SLC9A2: variants seen among roughly 807,000 people sequenced by gnomAD.
The protein encoded by SLC9A2 is solute carrier family 9 member A2.
In SLC9A2, 42 loss-of-function variants were observed where a neutral mutation model predicts 71.7. The ratio of observed to expected loss-of-function variants is 0.59; its 90% CI spans 0.46 to 0.76. The LOEUF is 0.76. Ranked by LOEUF, SLC9A2 falls within the 30% of genes least tolerant of loss-of-function variation. SLC9A2 has a pLI of 0.00. For missense variants in SLC9A2, 829 were observed against 1,017.4 expected, an observed-to-expected ratio of 0.81 and a Z score of 2.52; for synonymous variants, 396 against 392.5, an observed-to-expected ratio of 1.01 and a Z score of -0.10.
chr2:102,686,304 C>CA (rs1291265698), intron 5 of SLC9A2: 1 of 152,152 alleles, frequency 6.6e-6, no homozygotes, highest in Non-Finnish European at 1.5e-5. Flanking sequence ...AAAGCAGAGT[C>CA]AAAATCTATT....
rs1458569771 is a variant in SLC9A2, at chr2:102,711,029, A to G, written c.*2540A>G. ...GGCTTCAAAGTCTAATACTTTTAAAAGCATGTGTTTTGTGTATATGCTCAC... is the reference window on the plus strand; with the variant it reads ...GGCTTCAAAGTCTAATACTTTTAAAGGCATGTGTTTTGTGTATATGCTCAC... On this transcript the variant is annotated 3_prime_UTR_variant, in exon 12 of 12. Coordinates refer to ENST00000233969, the MANE Select transcript of SLC9A2 (RefSeq NM_003048.6). The G allele has an allele frequency of 1.3e-5, 2 of 152,360 alleles. No individual in the cohort carries two copies. The highest frequency in any genetic ancestry group is 6.5e-5 in the Admixed American group (1 of 15,284). The allele number at this position is 152,360 out of a possible 1,614,324, so 9.4% of individuals were successfully genotyped here. A position where few individuals can be genotyped will look rare whatever the true frequency, so the allele number is the denominator to read the frequency against.
rs776781986 is a variant in SLC9A2, at chr2:102,708,260, T to G, written c.2210T>G (p.Val737Gly). The change falls in exon 12 of 12, where the codon GTT becomes GGT. Residue 737 changes from valine to glycine, a missense_variant. This residue lies in a region of SLC9A2 where 223 missense variants were observed against 197.5 expected (regional missense o/e 1.13). Coordinates refer to ENST00000233969, the MANE Select transcript of SLC9A2 (RefSeq NM_003048.6). ...YKMEWKNEVD[V>G]DSGRDMPSTP... ...ATGGAATGGAAGAATGAGGTAGATGTTGATTCTGGCCGAGATATGCCCAGC... is the reference window on the plus strand; with the variant it reads ...ATGGAATGGAAGAATGAGGTAGATGGTGATTCTGGCCGAGATATGCCCAGC... 2 of 1,614,164 alleles carry G rather than the reference T, an allele frequency of 1.2e-6. No individual in the cohort carries two copies. The highest frequency in any genetic ancestry group is 1.7e-6 in the Non-Finnish European group (2 of 1,180,038).
chr2:102,637,330 T>C (rs1676485769), intron 1 of SLC9A2, among the ~76,000 whole-genome samples: 1 of 152,224 alleles, frequency 6.6e-6, no homozygotes, highest in Non-Finnish European at 1.5e-5. Context: ...TTTTCTCAGC[T>C]TGGGAGACAC....
At chr2:102,639,435 G>C (rs149445237) in intron 1 of SLC9A2, among the ~76,000 whole-genome samples, 20 of 152,306 alleles carry the variant, frequency 1.3e-4, no homozygotes, top group African/African-American at 4.6e-4. Flanking sequence ...GCCTTTTGAA[G>C]GACTAGTTCA....
At chr2:102,668,182 C>A (rs948090277) in intron 3 of SLC9A2, among the ~76,000 whole-genome samples, 1 of 152,026 alleles carries the variant, frequency 6.6e-6, no homozygotes, top group Non-Finnish European at 1.5e-5. Flanking sequence ...ACATTTTTGC[C>A]CCAAAATTAC....
At chr2:102,687,968 T>C (rs1252787990) in intron 5 of SLC9A2, among the ~76,000 whole-genome samples, 2 of 152,012 alleles carry the variant, frequency 1.3e-5, no homozygotes, top group African/African-American at 4.8e-5. Context: ...TTAGTAGAGA[T>C]GCGGTTTCGC....
intron 9 of SLC9A2, among the ~76,000 whole-genome samples, chr2:102,704,065 G>T (rs1420036094): frequency 6.6e-6 from 1 of 152,162 alleles, no homozygotes; most frequent in Non-Finnish European, 1.5e-5. Flanking sequence ...CCTACAAGAG[G>T]CTTCAAGGTA....
intron 1 of SLC9A2, among the ~76,000 whole-genome samples, chr2:102,642,436 T>C (rs1230522781): frequency 2.2e-5 from 1 of 45,964 alleles, no homozygotes; most frequent in East Asian, 1.8e-3. Context: ...ATCGTGTGGT[T>C]TTTTTTTTCT....
chr2:102,710,790 C>T lies in SLC9A2; in HGVS notation c.*2301C>T, dbSNP rs1171866988. The T allele has an allele frequency of 2.0e-5, 3 of 152,192 alleles. No individual in the cohort carries two copies. The highest frequency in any genetic ancestry group is 4.4e-5 in the Non-Finnish European group (3 of 68,014). The allele number at this position is 152,192 out of a possible 1,614,324, so 9.4% of individuals were successfully genotyped here. ...TCTAAATTTCTGTAGTAGAGAGAGCCGTAGCCCTTTGTAAAGGCTTTCGTT... is the reference window on the plus strand; with the variant it reads ...TCTAAATTTCTGTAGTAGAGAGAGCTGTAGCCCTTTGTAAAGGCTTTCGTT... On this transcript the variant is annotated 3_prime_UTR_variant, in exon 12 of 12. Coordinates refer to ENST00000233969, the MANE Select transcript of SLC9A2 (RefSeq NM_003048.6).
chr2:102,640,395 T>G (rs1054406540), intron 1 of SLC9A2, among the ~76,000 whole-genome samples: 26 of 152,212 alleles, frequency 1.7e-4, no homozygotes, highest in African/African-American at 6.3e-4. Flanking sequence ...CCCACAAAAC[T>G]GCCCATGATT....
intron 1 of SLC9A2, among the ~76,000 whole-genome samples, chr2:102,628,244 T>C (rs1676287631): frequency 6.6e-6 from 1 of 152,124 alleles, no homozygotes; most frequent in Non-Finnish European, 1.5e-5. Flanking sequence ...AAATGACATA[T>C]CAGTTTCTGA....
chr2:102,636,303 A>G (rs181916550), intron 1 of SLC9A2, among the ~76,000 whole-genome samples: 1 of 152,342 alleles, frequency 6.6e-6, no homozygotes, highest in East Asian at 1.9e-4. Flanking sequence ...ACCAAATGGG[A>G]TAGTTTCTTA....
At chr2:102,697,113 A>G (rs1460430218) in intron 7 of SLC9A2, among the ~76,000 whole-genome samples, 1 of 152,148 alleles carries the variant, frequency 6.6e-6, no homozygotes, top group Non-Finnish European at 1.5e-5. Context: ...TTCTGAAATG[A>G]CATATGAGAG....
chr2:102,624,352 A>G (rs1676203685), intron 1 of SLC9A2, among the ~76,000 whole-genome samples: 1 of 152,220 alleles, frequency 6.6e-6, no homozygotes, highest in Non-Finnish European at 1.5e-5. Flanking sequence ...TATAGTTATA[A>G]GTACACACTT....
At chr2:102,691,452 G>C (rs1359433511) in intron 5 of SLC9A2, among the ~76,000 whole-genome samples, 1 of 152,168 alleles carries the variant, frequency 6.6e-6, no homozygotes, top group African/African-American at 2.4e-5. Flanking sequence ...AGACACCCAG[G>C]CTCCTAGAAT....
intron 9 of SLC9A2, among the ~76,000 whole-genome samples, chr2:102,704,055 C>T (rs1166649784): frequency 3.3e-5 from 5 of 152,078 alleles, no homozygotes; most frequent in African/African-American, 7.2e-5. Flanking sequence ...TGGCTAAATA[C>T]CTACAAGAGG....
chr2:102,622,945 T>G (rs1011769389), intron 1 of SLC9A2, among the ~76,000 whole-genome samples: 3 of 152,236 alleles, frequency 2.0e-5, no homozygotes, highest in African/African-American at 7.2e-5. Context: ...GCACTTACTC[T>G]CTTGCTGTCC....
intron 3 of SLC9A2, among the ~76,000 whole-genome samples, chr2:102,665,773 TAA>T (rs11426516): frequency 6.2e-3 from 242 of 38,738 alleles, no homozygotes; most frequent in African/African-American, 0.016. Context: ...GACTCTGTCT[TAA>T]AAAAAAAAAA....
chr2:102,675,184 A>G lies in SLC9A2; in HGVS notation c.1005-8077A>G, dbSNP rs140598533. Among the ~76,000 whole-genome samples, 1,161 of 152,274 alleles carry G rather than the reference A, an allele frequency of 7.6e-3. 16 individuals carry two copies. Among genetic ancestry groups the G allele is most frequent in the African/African-American group, 0.026 (1,074 of 41,520 alleles). The stretch of plus-strand genomic sequence containing the variant: ...CAAGGAAAGCTCAATCCTTTATAGT[A>G]AAGTAAACTGGGATGGGAATGTTGA... On this transcript the variant is annotated intron_variant, in intron 3 of 11. Coordinates refer to ENST00000233969, the MANE Select transcript of SLC9A2 (RefSeq NM_003048.6).
Sources: gnomAD v4.1 joint callset for allele counts (sites outside exome capture counted in the v4.1 genomes callset) on GRCh38, gnomAD v4.1.1 for gene constraint, gnomAD v4.1.1 regional missense constraint, MANE v1.5 for transcripts, NCBI Gene and HGNC (gene_info 2026-07-23, HGNC 2026-07-21) for gene names.